Variants in URI1 observed in about 807,000 individuals in gnomAD.
URI1 encodes unconventional prefoldin RPB5 interactor 1.
A neutral mutation model predicts 60.2 loss-of-function variants in URI1; 39 were observed. The observed-to-expected ratio is 0.65, with a 90% CI of 0.50 to 0.85. The LOEUF (loss-of-function observed/expected upper bound fraction) is 0.85, where lower values mean the gene tolerates loss of function less well. Ranked by LOEUF, URI1 falls within the 40% of genes least tolerant of loss-of-function variation. The pLI is 0.00. For synonymous variants in URI1, 251 were observed against 236.8 expected, an observed-to-expected ratio of 1.06 and a Z score of -0.55; for missense variants, 691 against 665.9, an observed-to-expected ratio of 1.04 and a Z score of -0.42.
In URI1 at chr19:30,016,527, A is replaced by G. The variant is rs1400282714; in HGVS notation, c.*1458A>G. 6.6e-6 allele frequency: 1 copy of G among 152,094 alleles called. No individual in the cohort carries two copies. Among genetic ancestry groups the G allele is most frequent in the East Asian group, 1.9e-4 (1 of 5,198 alleles). 9.4% of individuals were successfully genotyped at this position (152,094 alleles called of 1,614,324 possible). ...GTGCTAGATTTTTTTCTCAGAAACAAACTTTACTGTAGGACTATTGTGGTG... is the reference window on the plus strand; with the variant it reads ...GTGCTAGATTTTTTTCTCAGAAACAGACTTTACTGTAGGACTATTGTGGTG... On this transcript the variant is annotated 3_prime_UTR_variant, in exon 11 of 11. Coordinates refer to ENST00000392271, the MANE Select transcript of URI1 (RefSeq NM_003796.3).
chr19:29,955,467 G>T (rs1410284357), intron 1 of URI1, among the ~76,000 whole-genome samples: 6 of 152,048 alleles, frequency 3.9e-5, no homozygotes, highest in Non-Finnish European at 5.9e-5. Flanking sequence ...GAGTCAAAGG[G>T]TAAATTTGTT....
intron 1 of URI1, among the ~76,000 whole-genome samples, chr19:29,926,301 A>G (rs1432336725): frequency 1.4e-5 from 2 of 138,724 alleles, no homozygotes; most frequent in Admixed American, 1.5e-4. Context: ...CTTTCCTTCA[A>G]CAGAATCTTA....
chr19:30,012,963 C>T (rs375411406), intron 10 of URI1: 1 of 155,682 alleles, frequency 6.4e-6, no homozygotes, highest in African/African-American at 2.4e-5. Flanking sequence ...AATATTTTAC[C>T]TTGTACCAGT....
chr19:29,977,544 TTA>T (rs2055538506), intron 2 of URI1, among the ~76,000 whole-genome samples: 2 of 143,216 alleles, frequency 1.4e-5, no homozygotes, highest in South Asian at 4.4e-4. Context: ...GGCTTTTTCT[TTA>T]TGTTATTTTT....
At chr19:30,014,800 G>A in intron 10 of URI1, 87 bp from the exon 11 acceptor site, 1 of 1,334,142 alleles carries the variant, frequency 7.5e-7, no homozygotes, top group South Asian at 1.4e-5. Context: ...TACTTTTAAT[G>A]AAAAGAATTG....
At chr19:29,992,808 A>G (rs534325842) in intron 4 of URI1, among the ~76,000 whole-genome samples, 25 of 152,226 alleles carry the variant, frequency 1.6e-4, no homozygotes, top group Admixed American at 5.9e-4. Context: ...GTTTTTGGTA[A>G]TTTTGTTTCT....
At chr19:29,933,279 G>C (rs2054938308) in intron 1 of URI1, among the ~76,000 whole-genome samples, 1 of 152,116 alleles carries the variant, frequency 6.6e-6, no homozygotes, top group Non-Finnish European at 1.5e-5. Context: ...TTTGATTACT[G>C]ATTCAATATC....
chr19:29,947,326 C>T (rs941990486), intron 1 of URI1, among the ~76,000 whole-genome samples: 4 of 152,238 alleles, frequency 2.6e-5, no homozygotes, highest in South Asian at 2.1e-4. Context: ...TAGATGTTTA[C>T]AGATCCGATC....
intron 7 of URI1, 92 bp from the exon 8 acceptor site, chr19:30,008,913 C>A (rs2055978558): frequency 1.0e-5 from 10 of 972,202 alleles, no homozygotes; most frequent in Non-Finnish European, 1.2e-5. Flanking sequence ...TATTCAAGAT[C>A]TTAGTATTTA....
At chr19:29,991,612 C>T (rs565691166) in intron 4 of URI1, among the ~76,000 whole-genome samples, 2 of 151,928 alleles carry the variant, frequency 1.3e-5, no homozygotes, top group African/African-American at 4.8e-5. Context: ...TGCCTTACTT[C>T]CTTGGCTAGG....
At chr19:30,012,073 TTTA>T (rs1028028694) in intron 9 of URI1, among the ~76,000 whole-genome samples, 2 of 152,152 alleles carry the variant, frequency 1.3e-5, no homozygotes, top group African/African-American at 2.4e-5. Context: ...CATGCTGTGT[TTTA>T]TTATTAGGCC....
intron 2 of URI1, among the ~76,000 whole-genome samples, chr19:29,974,115 G>A (rs527905816): frequency 1.7e-4 from 26 of 152,116 alleles, no homozygotes; most frequent in African/African-American, 5.3e-4. Flanking sequence ...ATTTACTAGC[G>A]TTTTGACCTT....
At chr19:29,968,771 C>T (rs1789728196) in intron 1 of URI1, among the ~76,000 whole-genome samples, 1 of 151,526 alleles carries the variant, frequency 6.6e-6, no homozygotes, top group South Asian at 2.1e-4. Context: ...TGGGGTTTCA[C>T]TGTGTTAGCC....
At chr19:29,992,813 G>A (rs933705249) in intron 4 of URI1, among the ~76,000 whole-genome samples, 9 of 152,080 alleles carry the variant, frequency 5.9e-5, no homozygotes, top group African/African-American at 2.2e-4. Flanking sequence ...TGGTAATTTT[G>A]TTTCTGCATG....
chr19:29,935,960 G>A (rs188750121), intron 1 of URI1, among the ~76,000 whole-genome samples: 1 of 151,736 alleles, frequency 6.6e-6, no homozygotes, highest in East Asian at 1.9e-4. Flanking sequence ...CTAGTTTTTT[G>A]TATTTTTAGT....
In URI1 at chr19:29,956,226, C is replaced by T. The variant is rs2055244880; in HGVS notation, c.117+13562C>T. ...AAACTCCTGACCTCAGGTGATCCAC[C>T]TGTCTTCGGCCTCCCAAAATTTTAC... is the stretch of plus-strand genomic sequence containing the variant. On this transcript the variant is annotated intron_variant, in intron 1 of 10. Coordinates refer to ENST00000392271, the MANE Select transcript of URI1 (RefSeq NM_003796.3). 2 of 471,238 alleles carry T rather than the reference C, an allele frequency of 4.2e-6. 1 individual carries two copies. Among genetic ancestry groups the T allele is most frequent in the South Asian group, 4.6e-5 (2 of 43,470 alleles). The allele number at this position is 471,238 out of a possible 1,614,324, so 29.2% of individuals were successfully genotyped here.
At chr19:29,960,517 G>A (rs1008945719) in intron 1 of URI1, among the ~76,000 whole-genome samples, 12 of 151,938 alleles carry the variant, frequency 7.9e-5, no homozygotes, top group Non-Finnish European at 1.5e-4. Flanking sequence ...ACCATTCTGA[G>A]ATATTTTTAT....
At chr19:29,994,082 TG>T (rs1455435554) in intron 4 of URI1, among the ~76,000 whole-genome samples, 1 of 152,116 alleles carries the variant, frequency 6.6e-6, no homozygotes, top group Admixed American at 6.6e-5. Flanking sequence ...TGTGTGTGTG[TG>T]TATCATTTGT....
intron 4 of URI1, among the ~76,000 whole-genome samples, chr19:30,005,105 C>A (rs1421900981): frequency 2.0e-5 from 3 of 152,006 alleles, no homozygotes; most frequent in Non-Finnish European, 1.5e-5. Flanking sequence ...GCAGCATCTA[C>A]AATCTAGTTC....
Sources: allele counts gnomAD v4.1 joint callset (sites outside exome capture counted in the v4.1 genomes callset), GRCh38; gene constraint gnomAD v4.1.1; transcripts MANE v1.5; gene names NCBI Gene and HGNC (gene_info 2026-07-23, HGNC 2026-07-21).